Variants in CSMD1 observed in about 807,000 individuals in gnomAD.
The protein encoded by CSMD1 is CUB and Sushi multiple domains 1.
CSMD1 carries 213 observed loss-of-function variants against 417.5 expected under a neutral mutation model. That is an observed-to-expected ratio of 0.51 (90% CI 0.46 to 0.57). The LOEUF is 0.57. CSMD1 is among the 20% of genes least tolerant of loss of function. The pLI is 0.00. For synonymous variants in CSMD1, 2,862 were observed against 1,736.8 expected (o/e 1.65, Z -16.11); for missense variants, 6,923 against 4,529.7 (o/e 1.53, Z -15.17).
At position 3,544,852 on chromosome 8, in the gene CSMD1, C is replaced by G. The variant is rs1046572681; in HGVS notation, c.1344+30093G>C. 3.9e-5 allele frequency among the ~76,000 whole-genome samples: 6 copies of G among 152,210 alleles called. No homozygotes were observed. The East Asian group carries it at 1.2e-3, about 29-fold the overall frequency. On this transcript the variant is annotated intron_variant, in intron 10 of 69. Transcript: ENST00000635120. Reference sequence around the variant, plus strand: ...CAAGACACGTGCTAGTCCAAGATGCCTTACAGCTATAGTAAGTAAAATGTC... The same window carrying G: ...CAAGACACGTGCTAGTCCAAGATGCGTTACAGCTATAGTAAGTAAAATGTC...
chr8:3,922,176 T>G (rs1206826948), intron 5 of CSMD1, among the ~76,000 whole-genome samples: 1 of 152,122 alleles, frequency 6.6e-6, no homozygotes. Context: ...TATTTTGTAT[T>G]ATAAAAATAT....
chr8:4,240,947 T>C (rs1802364292), intron 3 of CSMD1, among the ~76,000 whole-genome samples: 1 of 152,182 alleles, frequency 6.6e-6, no homozygotes, highest in Non-Finnish European at 1.5e-5. Context: ...CTTCTGACAA[T>C]TATACCTTCT....
intron 3 of CSMD1, among the ~76,000 whole-genome samples, chr8:4,166,733 C>G (rs933055497): frequency 2.6e-5 from 4 of 152,106 alleles, no homozygotes; most frequent in African/African-American, 7.2e-5. Flanking sequence ...CCAAAACCAC[C>G]TATTGCCCCA....
At position 2,938,664 on chromosome 8, in the gene CSMD1, T is replaced by C. The variant is rs573209145; in HGVS notation, c.10616A>G (p.Tyr3539Cys). 25 of 1,611,746 alleles carry C rather than the reference T, an allele frequency of 1.6e-5. No individual in the cohort carries two copies. In the South Asian group the frequency reaches 2.4e-4, roughly 16 times the overall value. The change falls in exon 70 of 70, where the codon TAT becomes TGT. Residue 3539 changes from tyrosine to cysteine, a missense_variant. Tyr to Cys is a radical substitution (Grantham distance 194). Coordinates refer to ENST00000635120, the MANE Select transcript of CSMD1 (RefSeq NM_033225.6). ...NGQASFENPM[Y>C]DTNLKPTEAK... is the part of the protein sequence containing the mutation. The stretch of plus-strand genomic sequence containing the variant: ...TTCTGTGGGTTTTAAGTTTGTATCA[T>C]ACATGGGGTTTTCAAACGATGCTTG...
chr8:3,551,164 C>G (rs905782078), intron 10 of CSMD1, among the ~76,000 whole-genome samples: 6 of 152,120 alleles, frequency 3.9e-5, no homozygotes, highest in African/African-American at 1.4e-4. Flanking sequence ...CTAATGTAGC[C>G]TATGGCATAG....
intron 33 of CSMD1, among the ~76,000 whole-genome samples, chr8:3,191,470 G>T (rs754039595): frequency 6.6e-6 from 1 of 151,952 alleles, no homozygotes; most frequent in East Asian, 1.9e-4. Context: ...AGTAAAAAAT[G>T]AAAAAATAGC....
chr8:4,459,985 C>G (rs779708980), intron 2 of CSMD1, among the ~76,000 whole-genome samples: 4 of 152,132 alleles, frequency 2.6e-5, no homozygotes, highest in African/African-American at 9.7e-5. Flanking sequence ...GACCATCAGA[C>G]TAGACAACCA....
chr8:3,499,468 T>A (rs570953943), intron 10 of CSMD1, among the ~76,000 whole-genome samples: 1 of 152,030 alleles, frequency 6.6e-6, no homozygotes, highest in African/African-American at 2.4e-5. Context: ...CTGGGGAGCA[T>A]GTGTGAGCAT....
chr8:4,403,969 C>T (rs900229469), intron 3 of CSMD1, among the ~76,000 whole-genome samples: 2 of 152,302 alleles, frequency 1.3e-5, no homozygotes, highest in South Asian at 4.1e-4. Context: ...GGCATCACCC[C>T]TAAAACTCTC....
At chr8:3,920,813 C>G (rs184847130) in intron 5 of CSMD1, among the ~76,000 whole-genome samples, 1 of 152,060 alleles carries the variant, frequency 6.6e-6, no homozygotes, top group Non-Finnish European at 1.5e-5. Context: ...TGCATCCCAG[C>G]GATAAATCTC....
At chr8:4,697,301 G>C (rs553817231) in intron 1 of CSMD1, among the ~76,000 whole-genome samples, 1 of 152,092 alleles carries the variant, frequency 6.6e-6, no homozygotes, top group African/African-American at 2.4e-5. Context: ...AGGACCACCT[G>C]GACTTAGTTA....
At chr8:3,963,263 T>C (rs1812445534) in intron 5 of CSMD1, among the ~76,000 whole-genome samples, 1 of 152,166 alleles carries the variant, frequency 6.6e-6, no homozygotes, top group Admixed American at 6.5e-5. Context: ...TTGTAATAAT[T>C]ACGAGTTTGA....
At chr8:4,042,992 T>C (rs1585193001) in intron 3 of CSMD1, among the ~76,000 whole-genome samples, 1 of 150,674 alleles carries the variant, frequency 6.6e-6, no homozygotes. Context: ...ATTAGCTGGG[T>C]GTGGTGACTT....
At chr8:3,899,144 C>A (rs980707264) in intron 5 of CSMD1, among the ~76,000 whole-genome samples, 2 of 152,134 alleles carry the variant, frequency 1.3e-5, no homozygotes, top group Admixed American at 1.3e-4. Flanking sequence ...AACAAGGACA[C>A]AAAGATTGCC....
At chr8:3,600,936 A>G (rs1247051598) in intron 8 of CSMD1, among the ~76,000 whole-genome samples, 1 of 152,218 alleles carries the variant, frequency 6.6e-6, no homozygotes, top group Non-Finnish European at 1.5e-5. Flanking sequence ...GTGGATAGAG[A>G]GGAAGGAATT....
At chr8:4,254,697 C>T (rs1024080234) in intron 3 of CSMD1, among the ~76,000 whole-genome samples, 11 of 152,040 alleles carry the variant, frequency 7.2e-5, no homozygotes, top group Admixed American at 5.9e-4. Context: ...ATATTTTTAC[C>T]GTACCTTTTC....
chr8:4,558,661 G>A (rs190196529), intron 2 of CSMD1, among the ~76,000 whole-genome samples: 3 of 152,250 alleles, frequency 2.0e-5, no homozygotes, highest in Non-Finnish European at 4.4e-5. Context: ...GAGGTCAGGA[G>A]TTCTAGACCA....
chr8:3,244,546 C>G (rs1028238443), intron 26 of CSMD1, among the ~76,000 whole-genome samples: 2 of 152,176 alleles, frequency 1.3e-5, no homozygotes. Flanking sequence ...TGGGTCGCCT[C>G]TAACCTAGGT....
intron 4 of CSMD1, among the ~76,000 whole-genome samples, chr8:4,024,476 T>C (rs919141789): frequency 1.1e-4 from 17 of 152,218 alleles, no homozygotes; most frequent in African/African-American, 3.1e-4. Flanking sequence ...AAAGTTGGGA[T>C]GAGACCACCC....
Sources: gnomAD v4.1 joint callset for allele counts (sites outside exome capture counted in the v4.1 genomes callset) on GRCh38, gnomAD v4.1.1 for gene constraint, MANE v1.5 for transcripts, NCBI Gene and HGNC (gene_info 2026-07-23, HGNC 2026-07-21) for gene names.